The following RUNX1T1 variants were observed in gnomAD, a reference collection of about 807,000 sequenced individuals.
The protein encoded by RUNX1T1 is protein CBFA2T1.
Under a neutral mutation model 62.8 loss-of-function variants are expected in RUNX1T1, and 4 were observed. That is an observed-to-expected ratio of 0.06 (90% CI 0.03 to 0.15). The LOEUF (loss-of-function observed/expected upper bound fraction) is 0.15. RUNX1T1 is among the 10% of genes least tolerant of loss of function. The pLI is 1.00. For missense variants in RUNX1T1, 508 were observed against 754.3 expected (o/e 0.67, Z 3.82); for synonymous variants, 291 against 286.0 (o/e 1.02, Z -0.18).
At chr8:92,022,828 G>T (rs1185000251) in intron 1 of RUNX1T1, among the ~76,000 whole-genome samples, 1 of 152,174 alleles carries the variant, frequency 6.6e-6, no homozygotes, top group Non-Finnish European at 1.5e-5. Flanking sequence ...CCTATTCTCT[G>T]ATCTAAAACC....
At chr8:92,044,163 T>C (rs1828979941) in intron 1 of RUNX1T1, among the ~76,000 whole-genome samples, 1 of 152,124 alleles carries the variant, frequency 6.6e-6, no homozygotes, top group African/African-American at 2.4e-5. Context: ...GCACCTTCGC[T>C]ACCTGCTCTT....
At chr8:92,102,168 C>T (rs1838067279), upstream of RUNX1T1, among the ~76,000 whole-genome samples, 1 of 152,148 alleles carries the variant, frequency 6.6e-6, no homozygotes, top group Non-Finnish European at 1.5e-5. This position sits in a 1 kb window ranked among gnomAD's most constrained non-coding sequence, Gnocchi z 4.5. Flanking sequence ...CCCCTGACTG[C>T]GAAGCCCGGG....
chr8:92,098,912 T>C (rs1032696187), intron 1 of RUNX1T1, among the ~76,000 whole-genome samples: 2 of 152,202 alleles, frequency 1.3e-5, no homozygotes, highest in African/African-American at 4.8e-5. Flanking sequence ...TAAACTGAAC[T>C]AATGTTTGCT....
At chr8:92,043,606 A>G (rs1250535285) in intron 1 of RUNX1T1, among the ~76,000 whole-genome samples, 5 of 152,162 alleles carry the variant, frequency 3.3e-5, no homozygotes, top group Admixed American at 6.5e-5. Flanking sequence ...GATGGTATAC[A>G]TAAAATTTTC....
chr8:91,955,060 T>C (rs1809150039), downstream of RUNX1T1: 1 of 208,796 alleles, frequency 4.8e-6, no homozygotes, highest in Non-Finnish European at 9.7e-6. Context: ...TTCTTCCCCA[T>C]CCATTCCAGG....
chr8:92,079,755 C>A (rs1436699187), intron 1 of RUNX1T1, among the ~76,000 whole-genome samples: 2 of 152,176 alleles, frequency 1.3e-5, no homozygotes, highest in African/African-American at 4.8e-5. Flanking sequence ...AGTTTTCAGC[C>A]TCCACTCCAA....
intron 4 of RUNX1T1, chr8:92,006,286 G>A (rs531436860): frequency 6.6e-6 from 1 of 152,236 alleles, no homozygotes; most frequent in African/African-American, 2.4e-5. Flanking sequence ...TGTTTGGGGA[G>A]GGGCAGTAAG....
rs879497772 is a variant in RUNX1T1 at position 92,034,791 on chromosome 8, C to CACACGTATACATATATATACACAT, written c.8-17429_8-17428insATGTGTATATATATGTATACGTGT. Among the ~76,000 whole-genome samples the CACACGTATACATATATATACACAT allele has an allele frequency of 6.2e-4, 72 of 115,600 alleles. 1 individual carries two copies. Among genetic ancestry groups the CACACGTATACATATATATACACAT allele is most frequent in the African/African-American group, 2.2e-3 (63 of 29,056 alleles). 75.8% of individuals were successfully genotyped at this position (115,600 alleles called of 152,430 possible). A position where few individuals can be genotyped will look rare whatever the true frequency, so the allele number is the denominator to read the frequency against. ...ACATATATATACACATATATATATA[C>CACACGTATACATATATATACACAT]ATATATACACACACACACACACACA... On this transcript the variant is annotated intron_variant, in intron 1 of 10. Coordinates refer to ENST00000396218, the Ensembl canonical transcript of RUNX1T1.
In RUNX1T1 at chr8:92,037,616, C is replaced by T. The variant is rs149307786; in HGVS notation, c.8-20253G>A. On this transcript the variant is annotated intron_variant, in intron 1 of 10. Transcript: ENST00000396218. Reference sequence around the variant, plus strand: ...ACTGCTTGAGACCGGGAGGTCAAGGCTGCAGTGAGCCATAATCACACCACT... The same window carrying T: ...ACTGCTTGAGACCGGGAGGTCAAGGTTGCAGTGAGCCATAATCACACCACT... Among the ~76,000 whole-genome samples the T allele has an allele frequency of 1.6e-4, 25 of 152,160 alleles. No individual in the cohort carries two copies. In the East Asian group the frequency reaches 4.9e-3, roughly 30 times the overall value.
chr8:91,991,947 C>A, intron 5 of RUNX1T1, 58 bp from the exon 7 acceptor site: 2 of 1,563,930 alleles, frequency 1.3e-6, no homozygotes, highest in South Asian at 2.2e-5. Flanking sequence ...CAGCACAGTT[C>A]AGTCACTCAT....
chr8:91,959,645 G>A (rs879070710), exon 11 of RUNX1T1: 4 of 225,108 alleles, frequency 1.8e-5, no homozygotes, highest in Non-Finnish European at 3.6e-5. Context: ...GAAAAAAACC[G>A]AACATCTGTG....
chr8:92,062,746 G>T (rs778624015), exon 1 of RUNX1T1: 64 of 1,560,824 alleles, frequency 4.1e-5, no homozygotes, highest in Non-Finnish European at 5.4e-5. Context: ...TGACACTCCG[G>T]ATTGCACTTG....
upstream of RUNX1T1, among the ~76,000 whole-genome samples, chr8:92,067,141 C>T (rs2130680649): frequency 6.6e-6 from 1 of 152,262 alleles, no homozygotes; most frequent in East Asian, 1.9e-4. Context: ...TCCAAGAGAG[C>T]CTAAGTGCTA....
chr8:92,045,788 C>T (rs116078638), intron 1 of RUNX1T1, among the ~76,000 whole-genome samples: 2,439 of 152,240 alleles, frequency 0.016, 70 homozygotes, highest in African/African-American at 0.055. Flanking sequence ...ACCCCTGCTA[C>T]GCTTAGTAGA....
At chr8:91,969,615 T>G (rs1812357511) in intron 10 of RUNX1T1, among the ~76,000 whole-genome samples, 1 of 152,230 alleles carries the variant, frequency 6.6e-6, no homozygotes, top group South Asian at 2.1e-4. Context: ...TGTCCCTCTT[T>G]TCCTGAGAAA....
At chr8:92,101,365 G>T (rs1838026761), upstream of RUNX1T1, among the ~76,000 whole-genome samples, 1 of 152,192 alleles carries the variant, frequency 6.6e-6, no homozygotes, top group East Asian at 1.9e-4. Flanking sequence ...TTAAGCACAT[G>T]AAGTTTGTCT....
At chr8:92,103,375 G>A (rs1291627315), upstream of RUNX1T1, 2 of 173,640 alleles carry the variant, frequency 1.2e-5, no homozygotes, top group African/African-American at 4.7e-5. Flanking sequence ...TGCGCCGAGA[G>A]CGCCCGCATC....
In RUNX1T1 at chr8:91,992,835, G is replaced by T. The variant is rs913054046; in HGVS notation, c.660-946C>A. On this transcript the variant is annotated intron_variant, in intron 5 of 10. Coordinates refer to ENST00000396218, the Ensembl canonical transcript of RUNX1T1. ...TCTAAACTTGGCTTTCAGAAGGAATGCATTCTATAAATAAGACCTGATAAC... is the reference window on the plus strand; with the variant it reads ...TCTAAACTTGGCTTTCAGAAGGAATTCATTCTATAAATAAGACCTGATAAC... Among the ~76,000 whole-genome samples, 5 of 152,156 alleles carry T rather than the reference G, an allele frequency of 3.3e-5. No individual in the cohort carries two copies. The East Asian group carries it at 9.6e-4, about 29-fold the overall frequency.
intron 10 of RUNX1T1, among the ~76,000 whole-genome samples, chr8:91,966,628 G>C (rs1811692282): frequency 6.6e-6 from 1 of 152,052 alleles, no homozygotes; most frequent in African/African-American, 2.4e-5. Flanking sequence ...ACACAGATAG[G>C]AAATGAAAAA....
Sources: gnomAD v4.1 joint callset for allele counts (sites outside exome capture counted in the v4.1 genomes callset) on GRCh38, gnomAD v4.1.1 for gene constraint, Gnocchi (gnomAD v3.1) non-coding constraint, MANE v1.5 for transcripts, NCBI Gene and HGNC (gene_info 2026-07-23, HGNC 2026-07-21) for gene names.